The following PDLIM5 variants were observed in gnomAD, a reference collection of about 807,000 sequenced individuals.
The protein encoded by PDLIM5 is PDZ and LIM domain protein 5.
A neutral mutation model predicts 64.2 loss-of-function variants in PDLIM5; 34 were observed. The ratio of observed to expected loss-of-function variants is 0.53; its 90% CI spans 0.40 to 0.71. The LOEUF is 0.71. Among genes scored for constraint, PDLIM5 ranks in the 30% least tolerant of loss-of-function variants. The pLI, the probability that PDLIM5 is intolerant of heterozygous loss-of-function variation, is 0.00. For missense variants in PDLIM5, 683 were observed against 733.6 expected, an observed-to-expected ratio of 0.93 and a Z score of 0.80; for synonymous variants, 253 against 269.1, an observed-to-expected ratio of 0.94 and a Z score of 0.59.
chr4:94,468,856 T>A (rs1240415768), intron 2 of PDLIM5, among the ~76,000 whole-genome samples: 1 of 152,232 alleles, frequency 6.6e-6, no homozygotes, highest in Non-Finnish European at 1.5e-5. Context: ...TCAACACATA[T>A]TTATTGATCT....
At chr4:94,534,689 CCTTT>C (rs1169523535) in intron 3 of PDLIM5, among the ~76,000 whole-genome samples, 2 of 152,176 alleles carry the variant, frequency 1.3e-5, no homozygotes, top group African/African-American at 2.4e-5. Context: ...AGTTTTCTCT[CCTTT>C]CTTCCTATTT....
chr4:94,507,049 C>T (rs1475449903), intron 2 of PDLIM5, among the ~76,000 whole-genome samples: 3 of 152,100 alleles, frequency 2.0e-5, no homozygotes, highest in Non-Finnish European at 2.9e-5. Context: ...TGCTGGGGCT[C>T]TTGGGCTTTT....
chr4:94,654,329 G>T, intron 9 of PDLIM5, 131 bp from the exon 10 acceptor site: 1 of 655,888 alleles, frequency 1.5e-6, no homozygotes. Flanking sequence ...CAACACCCAT[G>T]AGTTCAGTCC....
chr4:94,602,627 A>T (rs1207535351), intron 7 of PDLIM5, among the ~76,000 whole-genome samples: 1 of 151,584 alleles, frequency 6.6e-6, no homozygotes, highest in Non-Finnish European at 1.5e-5. Context: ...TAATTTTTAT[A>T]TTTTTTTTAG....
chr4:94,498,682 C>T (rs148250371), intron 2 of PDLIM5, among the ~76,000 whole-genome samples: 6 of 152,282 alleles, frequency 3.9e-5, no homozygotes, highest in South Asian at 2.1e-4. Context: ...TGAATGAATG[C>T]ATGTGTGCAT....
At chr4:94,558,384 C>T (rs949212586) in intron 3 of PDLIM5, among the ~76,000 whole-genome samples, 2 of 152,170 alleles carry the variant, frequency 1.3e-5, no homozygotes, top group African/African-American at 4.8e-5. Context: ...TTATAGCCAT[C>T]TCTCAAATGA....
intron 2 of PDLIM5, chr4:94,456,169 A>G (rs932968555): frequency 2.4e-5 from 11 of 458,834 alleles, no homozygotes; most frequent in Non-Finnish European, 3.7e-5. Flanking sequence ...ATGAATTTCC[A>G]TCTTCTTTTA....
intron 7 of PDLIM5, among the ~76,000 whole-genome samples, chr4:94,588,490 G>A (rs537534811): frequency 9.2e-5 from 14 of 152,198 alleles, no homozygotes; most frequent in African/African-American, 3.1e-4. Flanking sequence ...TTGAACCCGG[G>A]AGGCGAAGGT....
intron 3 of PDLIM5, among the ~76,000 whole-genome samples, chr4:94,527,012 G>A (rs1183793486): frequency 6.8e-6 from 1 of 147,838 alleles, no homozygotes; most frequent in East Asian, 2.1e-4. Context: ...TGGAATTACA[G>A]GCATGAGCCA....
chr4:94,576,647 A>T (rs1411802450), intron 5 of PDLIM5, among the ~76,000 whole-genome samples: 1 of 152,268 alleles, frequency 6.6e-6, no homozygotes, highest in Non-Finnish European at 1.5e-5. Flanking sequence ...CATTAGAAGC[A>T]AATTATAAAA....
At chr4:94,587,664 A>T (rs1736345483) in intron 7 of PDLIM5, 1 of 981,924 alleles carries the variant, frequency 1.0e-6, no homozygotes, top group African/African-American at 1.7e-5. Flanking sequence ...CTCTATGAAG[A>T]GGAGGAGGTC....
At chr4:94,642,267 A>G (rs1741054349) in intron 9 of PDLIM5, among the ~76,000 whole-genome samples, 1 of 152,208 alleles carries the variant, frequency 6.6e-6, no homozygotes, top group East Asian at 1.9e-4. Context: ...ACAAAATGTC[A>G]TACCACATCA....
At chr4:94,491,837 A>G (rs1726903517) in intron 2 of PDLIM5, among the ~76,000 whole-genome samples, 1 of 152,136 alleles carries the variant, frequency 6.6e-6, no homozygotes, top group Non-Finnish European at 1.5e-5. Context: ...TATGTAAACA[A>G]TGTGGAATGA....
At chr4:94,480,856 C>CG (rs1725787110) in intron 2 of PDLIM5, among the ~76,000 whole-genome samples, 1 of 152,094 alleles carries the variant, frequency 6.6e-6, no homozygotes, top group South Asian at 2.1e-4. Context: ...GGTTTACATC[C>CG]CCCAGCCCCA....
intron 2 of PDLIM5, among the ~76,000 whole-genome samples, chr4:94,510,407 C>CT (rs1728764904): frequency 6.6e-6 from 1 of 151,670 alleles, no homozygotes; most frequent in South Asian, 2.1e-4. Flanking sequence ...TTTTTTTTGT[C>CT]TGTCTTCATG....
chr4:94,599,761 C>T (rs1737347097), intron 7 of PDLIM5, among the ~76,000 whole-genome samples: 1 of 151,930 alleles, frequency 6.6e-6, no homozygotes, highest in South Asian at 2.1e-4. Context: ...AGTGGGAAGG[C>T]CCTATAGTGA....
chr4:94,533,894 A>T (rs1731101747), intron 3 of PDLIM5, among the ~76,000 whole-genome samples: 1 of 152,232 alleles, frequency 6.6e-6, no homozygotes, highest in Admixed American at 6.5e-5. Flanking sequence ...AGTCAGAAAG[A>T]TAATGATGCA....
At chr4:94,618,811 A>C (rs911704821) in intron 8 of PDLIM5, among the ~76,000 whole-genome samples, 1 of 152,226 alleles carries the variant, frequency 6.6e-6, no homozygotes, top group Non-Finnish European at 1.5e-5. Context: ...GAAAGACTAA[A>C]TCATTTCCTA....
chr4:94,562,672 G>A (rs890759006), intron 3 of PDLIM5, among the ~76,000 whole-genome samples: 3 of 152,172 alleles, frequency 2.0e-5, no homozygotes, highest in Non-Finnish European at 2.9e-5. Context: ...AGTAACATAC[G>A]TTGTGACTTG....
Sources: allele counts gnomAD v4.1 joint callset (sites outside exome capture counted in the v4.1 genomes callset), GRCh38; gene constraint gnomAD v4.1.1; transcripts MANE v1.5; gene names NCBI Gene and HGNC (gene_info 2026-07-23, HGNC 2026-07-21).